NALF2: variants seen among roughly 807,000 people sequenced by gnomAD.
NALF2 encodes the protein bB57D9.1 (TED protein).
In NALF2, 1 loss-of-function variant was observed where a neutral mutation model predicts 24.8. That is an observed-to-expected ratio of 0.04 (90% CI 0.01 to 0.19). The LOEUF (loss-of-function observed/expected upper bound fraction) is 0.19, where lower values mean the gene tolerates loss of function less well. NALF2 is among the 10% of genes least tolerant of loss of function. NALF2 has a pLI of 1.00. For synonymous variants in NALF2, 254 were observed against 189.8 expected (o/e 1.34, Z -2.78); for missense variants, 458 against 409.6 (o/e 1.12, Z -1.02).
chrX:69,514,381 A>G (rs1930634361), intron 1 of NALF2, among the ~76,000 whole-genome samples: 1 of 111,422 alleles, frequency 9.0e-6, no homozygotes, highest in Non-Finnish European at 1.9e-5. Context: ...TCCATGTTGC[A>G]GTATACATCA....
intron 1 of NALF2, among the ~76,000 whole-genome samples, chrX:69,515,961 A>C (rs1930655919): frequency 8.9e-6 from 1 of 112,436 alleles, no homozygotes; most frequent in African/African-American, 3.2e-5. Context: ...CCAGCTAGTA[A>C]GAGTTGGAGC....
At chrX:69,524,100 CT>C (rs1202940165) in intron 1 of NALF2, among the ~76,000 whole-genome samples, 1,467 of 93,807 alleles carry the variant, frequency 0.016, 31 homozygotes, top group African/African-American at 0.048. Flanking sequence ...TATTTTTTTT[CT>C]TTTTTTTTTT....
rs890849947 is a variant in NALF2, at chrX:69,530,031, C to T, written c.*75C>T. The T allele has an allele frequency of 6.1e-6, 5 of 817,284 alleles. No individual in the cohort carries two copies. In the Admixed American group the frequency reaches 1.3e-4, roughly 21 times the overall value. 67.4% of individuals were successfully genotyped at this position (817,284 alleles called of 1,213,427 possible). A position where few individuals can be genotyped will look rare whatever the true frequency, so the allele number is the denominator to read the frequency against. On this transcript the variant is annotated 3_prime_UTR_variant, in exon 3 of 3. Transcript: ENST00000252338. ...CCCCCAGGTTGGGGGGGAGGGGGCT[C>T]CTCCCATGGGAGGTGTAGGATAAGG...
At chrX:69,508,493 C>T (rs1602191331) in intron 1 of NALF2, among the ~76,000 whole-genome samples, 2 of 111,352 alleles carry the variant, frequency 1.8e-5, no homozygotes, top group South Asian at 3.9e-4. Flanking sequence ...AGCAAACCAG[C>T]GAACTCCTCC....
chrX:69,505,720 T>C lies in NALF2; in HGVS notation c.438T>C (p.Ala146=). 8.3e-7 allele frequency: 1 copy of C among 1,210,870 alleles called. No homozygotes were observed. The highest frequency in any genetic ancestry group is 2.3e-4 in the Middle Eastern group (1 of 4,351). The stretch of plus-strand genomic sequence containing the variant: ...CAGAGCCCACGGGGCTGGACGCAGC[T>C]TGCACCAAATTGCAATCTTTGCAGA... The part of the protein sequence containing the change: ...GVPEPTGLDA[A]CTKLQSLQRL... The change falls in exon 1 of 3, where the codon GCT becomes GCC. Residue 146 remains alanine, a synonymous_variant. Coordinates refer to ENST00000252338, the MANE Select transcript of NALF2 (RefSeq NM_015686.3).
intron 1 of NALF2, among the ~76,000 whole-genome samples, chrX:69,506,952 G>C (rs1162139821): frequency 4.4e-5 from 5 of 112,461 alleles, no homozygotes; most frequent in African/African-American, 6.5e-5. Context: ...GGCCCGCCTA[G>C]GGAAGAGCTG....
chrX:69,529,965 A>G lies in NALF2; in HGVS notation c.*9A>G. 2 of 1,162,292 alleles carry G rather than the reference A, an allele frequency of 1.7e-6. No homozygotes were observed. Among genetic ancestry groups the G allele is most frequent in the Non-Finnish European group, 2.3e-6 (2 of 865,887 alleles). On this transcript the variant is annotated 3_prime_UTR_variant, in exon 3 of 3. Transcript: ENST00000252338. ...TGACACGGGAAGAGTGACAGTAGGG[A>G]GGGAGGACAGACCTCCACCACACTG...
At chrX:69,506,337 T>G (rs1316501382) in intron 1 of NALF2, among the ~76,000 whole-genome samples, 194 bp downstream of exon 1, 1 of 112,849 alleles carries the variant, frequency 8.9e-6, no homozygotes, top group Non-Finnish European at 1.9e-5. Context: ...GGTAACCACC[T>G]GGCTAACTTC....
In NALF2 at chrX:69,530,754, A is replaced by G. The variant is rs752551499; in HGVS notation, c.*798A>G. ...AGGCTCGAGAACTGCTCCCCAAATC[A>G]GTGAGAATTGCATTAGGAGCCCTCT... On this transcript the variant is annotated 3_prime_UTR_variant, in exon 3 of 3. Coordinates refer to ENST00000252338, the MANE Select transcript of NALF2 (RefSeq NM_015686.3). 3 of 112,617 alleles carry G rather than the reference A, an allele frequency of 2.7e-5. No homozygotes were observed. The highest frequency in any genetic ancestry group is 9.7e-5 in the African/African-American group (3 of 30,932). The allele number at this position is 112,617 out of a possible 1,213,427, so 9.3% of individuals were successfully genotyped here.
chrX:69,513,214 A>G (rs1026090062), intron 1 of NALF2, among the ~76,000 whole-genome samples: 1 of 112,145 alleles, frequency 8.9e-6, no homozygotes, highest in Non-Finnish European at 1.9e-5. Flanking sequence ...CCTAATGCAG[A>G]CCTGAGACCC....
rs1930450702 is a variant in NALF2 at position 69,505,495 on chromosome X, C to T, written c.213C>T (p.Ala71=). The stretch of plus-strand genomic sequence containing the variant: ...TGTGCGCGGGGGCCCGGCCCCGGGC[C>T]AGGGAGCTGAGCAGCGCCATGCGGC... ...LWLCAGARPR[A]RELSSAMRPP... Residue 71 remains alanine (A), a synonymous_variant, in exon 1 of 3, where the codon GCC becomes GCT. Coordinates refer to ENST00000252338, the MANE Select transcript of NALF2 (RefSeq NM_015686.3). The T allele has an allele frequency of 7.4e-6, 8 of 1,079,166 alleles. No individual in the cohort carries two copies. In the Admixed American group the frequency reaches 2.1e-4, roughly 29 times the overall value. The allele number at this position is 1,079,166 out of a possible 1,213,427, so 88.9% of individuals were successfully genotyped here.
intron 1 of NALF2, among the ~76,000 whole-genome samples, chrX:69,522,444 T>C (rs149185872): frequency 2.8e-4 from 31 of 111,939 alleles, no homozygotes; most frequent in Non-Finnish European, 5.6e-5. Flanking sequence ...GGGAGAGCTT[T>C]CTGGAACTGC....
intron 1 of NALF2, among the ~76,000 whole-genome samples, chrX:69,508,884 A>C (rs1488898322): frequency 8.9e-6 from 1 of 112,136 alleles, no homozygotes; most frequent in Non-Finnish European, 1.9e-5. Flanking sequence ...AGGCTTTCTT[A>C]CTTCTAGAAA....
intron 1 of NALF2, among the ~76,000 whole-genome samples, chrX:69,523,927 G>C (rs1208248124): frequency 1.9e-4 from 21 of 110,949 alleles, no homozygotes; most frequent in African/African-American, 6.9e-4. Flanking sequence ...CCCTGGAGTT[G>C]GAGGTGGGAA....
intron 1 of NALF2, 105 bp from the exon 2 acceptor site, chrX:69,528,888 G>C (rs1016686603): frequency 2.6e-5 from 22 of 846,844 alleles, no homozygotes; most frequent in Non-Finnish European, 3.4e-5. Flanking sequence ...TTGGGGTTAG[G>C]TTGGTGAGGC....
chrX:69,511,216 T>G (rs1930577593), intron 1 of NALF2, among the ~76,000 whole-genome samples: 1 of 106,969 alleles, frequency 9.3e-6, no homozygotes, highest in Non-Finnish European at 1.9e-5. Flanking sequence ...CCCCTCACAT[T>G]CCACATTACT....
chrX:69,505,309 C>G lies in NALF2; in HGVS notation c.27C>G (p.Pro9=), dbSNP rs768747110. MFRGAWMW[P]GKDAAALTIC... is the part of the protein sequence containing the mutation. ...TGTTCAGGGGCGCTTGGATGTGGCC[C>G]GGGAAAGACGCCGCCGCGCTGACTA... Residue 9 remains proline, a synonymous_variant, in exon 1 of 3, where the codon CCC becomes CCG. Coordinates refer to ENST00000252338, the MANE Select transcript of NALF2 (RefSeq NM_015686.3). 2.2e-5 allele frequency: 25 copies of G among 1,156,083 alleles called. No homozygotes were observed. The highest frequency in any genetic ancestry group is 2.9e-5 in the Non-Finnish European group (25 of 867,993).
chrX:69,524,747 C>T (rs1206500267), intron 1 of NALF2, among the ~76,000 whole-genome samples: 2 of 111,774 alleles, frequency 1.8e-5, no homozygotes, highest in African/African-American at 6.5e-5. Context: ...GTTGCCCAAG[C>T]TGTAACAAAC....
Position 69,506,104 on chromosome X carries a change from G to A in NALF2, c.822G>A (p.Ala274=), listed in dbSNP as rs1045301116. Reference sequence around the variant, plus strand: ...TCGTGCTGCATAAATACTTACAGGCGGAAGAGTACTCAATCCGGTCCTGCA... The same window carrying A: ...TCGTGCTGCATAAATACTTACAGGCAGAAGAGTACTCAATCCGGTCCTGCA... ...FDLVLHKYLQ[A]EEYSIRSCTK... is the part of the protein sequence containing the mutation. The change falls in exon 1 of 3, where the codon GCG becomes GCA. Residue 274 remains alanine, a synonymous_variant. Coordinates refer to ENST00000252338, the MANE Select transcript of NALF2 (RefSeq NM_015686.3). 1 of 1,208,613 alleles carries A rather than the reference G, an allele frequency of 8.3e-7. No individual in the cohort carries two copies. The highest frequency in any genetic ancestry group is 2.3e-4 in the Middle Eastern group (1 of 4,329).
Sources: allele counts gnomAD v4.1 joint callset (sites outside exome capture counted in the v4.1 genomes callset), GRCh38; gene constraint gnomAD v4.1.1; transcripts MANE v1.5; gene names NCBI Gene and HGNC (gene_info 2026-07-23, HGNC 2026-07-21).